The following PLCXD3 variants were observed in gnomAD, a reference collection of about 807,000 sequenced individuals.
PLCXD3 encodes PI-PLC X domain-containing protein 3.
PLCXD3 carries 19 observed loss-of-function variants against 25.5 expected under a neutral mutation model. That is an observed-to-expected ratio of 0.75 (90% CI 0.52 to 1.09). PLCXD3 has a LOEUF of 1.09. Ranked by LOEUF, PLCXD3 falls within the 50% of genes least tolerant of loss-of-function variation. PLCXD3 has a pLI of 0.00. For synonymous variants in PLCXD3, 174 were observed against 137.6 expected (o/e 1.26, Z -1.85); for missense variants, 411 against 388.1 (o/e 1.06, Z -0.50).
At chr5:41,381,673 T>C (rs1309228427) in intron 2 of PLCXD3, among the ~76,000 whole-genome samples, 153 bp downstream of exon 2, 1 of 152,120 alleles carries the variant, frequency 6.6e-6, no homozygotes, top group Non-Finnish European at 1.5e-5. Flanking sequence ...AATATATTTT[T>C]ATTCTTTTAA....
At chr5:41,346,160 C>T (rs1377132252) in intron 2 of PLCXD3, among the ~76,000 whole-genome samples, 3 of 152,188 alleles carry the variant, frequency 2.0e-5, no homozygotes, top group South Asian at 2.1e-4. Context: ...GGATTACAGG[C>T]GTGAGCCACC....
intron 2 of PLCXD3, among the ~76,000 whole-genome samples, chr5:41,324,576 A>G (rs1032672779): frequency 1.3e-5 from 2 of 152,210 alleles, no homozygotes; most frequent in African/African-American, 4.8e-5. Context: ...TTCTATCTTA[A>G]AATGGACAAT....
rs148563139 is a variant in PLCXD3 at position 41,341,234 on chromosome 5, A to G, written c.813-27464T>C. Among the ~76,000 whole-genome samples the G allele has an allele frequency of 6.0e-3, 917 of 152,268 alleles. 8 individuals carry two copies. The highest frequency in any genetic ancestry group is 8.9e-3 in the Admixed American group (136 of 15,268). On this transcript the variant is annotated intron_variant, in intron 2 of 2. Transcript: ENST00000377801. ...CACTAATGGAGTATGTATGGAAGAG[A>G]GCACCATCAATATCGCATGTCTACA...
intron 1 of PLCXD3, among the ~76,000 whole-genome samples, chr5:41,464,674 G>A (rs1427700316): frequency 2.0e-5 from 3 of 151,994 alleles, no homozygotes; most frequent in Non-Finnish European, 4.4e-5. Flanking sequence ...ACTCAGTAGA[G>A]GTGTTTCTAA....
intron 1 of PLCXD3, among the ~76,000 whole-genome samples, chr5:41,397,723 G>A (rs145984684): frequency 2.8e-4 from 42 of 152,308 alleles, no homozygotes; most frequent in African/African-American, 9.4e-4. Context: ...AAGCAGCCAT[G>A]GGGGCTGTAC....
intron 2 of PLCXD3, among the ~76,000 whole-genome samples, chr5:41,352,219 C>T (rs1744482925): frequency 6.6e-6 from 1 of 152,156 alleles, no homozygotes; most frequent in African/African-American, 2.4e-5. Context: ...CCGGCCCTCC[C>T]CCATATGAGT....
intron 2 of PLCXD3, among the ~76,000 whole-genome samples, chr5:41,380,878 C>T (rs1037514324): frequency 3.3e-5 from 5 of 152,074 alleles, no homozygotes; most frequent in African/African-American, 1.2e-4. Context: ...GTGTCACACT[C>T]GCAGGAAAAA....
At chr5:41,401,480 A>C (rs1042636544) in intron 1 of PLCXD3, among the ~76,000 whole-genome samples, 2 of 152,038 alleles carry the variant, frequency 1.3e-5, no homozygotes, top group Non-Finnish European at 2.9e-5. Context: ...TTACCTTGGC[A>C]TATTTGCTGA....
At position 41,465,353 on chromosome 5, in the gene PLCXD3, C is replaced by CTTTTTTTTTTTTTTTTTTTT. The variant is rs58098437; in HGVS notation, c.103+45051_103+45070dup. 6.1e-3 allele frequency among the ~76,000 whole-genome samples: 81 copies of CTTTTTTTTTTTTTTTTTTTT among 13,234 alleles called. 8 individuals carry two copies. The highest frequency in any genetic ancestry group is 0.011 in the East Asian group (4 of 372). The allele number at this position is 13,234 out of a possible 152,430, so 8.7% of individuals were successfully genotyped here. A position where few individuals can be genotyped will look rare whatever the true frequency, so the allele number is the denominator to read the frequency against. On this transcript the variant is annotated intron_variant, in intron 1 of 2. Transcript: ENST00000377801. ...TCCTACTTTCCCCACTAGTTCTTGT[C>CTTTTTTTTTTTTTTTTTTTT]TTTTTTTTTTTTTTTTTTTTTTTTT...
chr5:41,342,062 T>C (rs1368550400), intron 2 of PLCXD3, among the ~76,000 whole-genome samples: 1 of 152,214 alleles, frequency 6.6e-6, no homozygotes, highest in East Asian at 1.9e-4. Flanking sequence ...GGGATAAATA[T>C]GGGTAACTGG....
At chr5:41,365,284 G>T (rs1215438842) in intron 2 of PLCXD3, among the ~76,000 whole-genome samples, 1 of 152,158 alleles carries the variant, frequency 6.6e-6, no homozygotes, top group Admixed American at 6.5e-5. Context: ...ACGTGCACCT[G>T]ATATATGGGC....
intron 1 of PLCXD3, among the ~76,000 whole-genome samples, chr5:41,489,361 T>C (rs1159246892): frequency 2.6e-5 from 4 of 152,054 alleles, no homozygotes; most frequent in African/African-American, 4.8e-5. Context: ...AGTCAGGTAG[T>C]GTGATGCCTC....
intron 1 of PLCXD3, among the ~76,000 whole-genome samples, chr5:41,481,168 G>GCT (rs1748406940): frequency 6.8e-6 from 1 of 146,418 alleles, no homozygotes; most frequent in South Asian, 2.1e-4. Flanking sequence ...AAATCCAACA[G>GCT]CTCTCTCTCT....
rs1003121483 is a variant in PLCXD3 at position 41,313,432 on chromosome 5, A to G, written c.*185T>C. On this transcript the variant is annotated 3_prime_UTR_variant, in exon 3 of 3. Coordinates refer to ENST00000377801, the MANE Select transcript of PLCXD3 (RefSeq NM_001005473.3). Reference sequence around the variant, plus strand: ...TTGCTCATCAAATGGGAAATGAAATATTTATAGTAATGAAGAGTATGATTG... The same window carrying G: ...TTGCTCATCAAATGGGAAATGAAATGTTTATAGTAATGAAGAGTATGATTG... 7 of 527,808 alleles carry G rather than the reference A, an allele frequency of 1.3e-5. No individual in the cohort carries two copies. Among genetic ancestry groups the G allele is most frequent in the Non-Finnish European group, 2.2e-5 (7 of 316,780 alleles). The allele number at this position is 527,808 out of a possible 1,614,324, so 32.7% of individuals were successfully genotyped here. A position where few individuals can be genotyped will look rare whatever the true frequency, so the allele number is the denominator to read the frequency against.
At chr5:41,372,965 AC>A (rs1429197021) in intron 2 of PLCXD3, among the ~76,000 whole-genome samples, 1 of 152,084 alleles carries the variant, frequency 6.6e-6, no homozygotes, top group Non-Finnish European at 1.5e-5. Flanking sequence ...AATCAATTGA[AC>A]CTGGGAGGCG....
intron 1 of PLCXD3, among the ~76,000 whole-genome samples, chr5:41,468,359 G>GT (rs1261045155): frequency 1.3e-5 from 2 of 152,022 alleles, no homozygotes; most frequent in African/African-American, 4.8e-5. Flanking sequence ...GGCTATATGG[G>GT]TTTTTTTGTG....
intron 1 of PLCXD3, among the ~76,000 whole-genome samples, chr5:41,393,489 A>T (rs540843362): frequency 6.6e-6 from 1 of 152,242 alleles, no homozygotes; most frequent in African/African-American, 2.4e-5. Context: ...AACATGAAGC[A>T]GAAATGGAGA....
chr5:41,504,797 A>G (rs1362382800), intron 1 of PLCXD3, among the ~76,000 whole-genome samples: 2 of 152,200 alleles, frequency 1.3e-5, no homozygotes, highest in East Asian at 1.9e-4. Flanking sequence ...TAGTTTATCA[A>G]TCCAGCCCAA....
At chr5:41,468,062 G>A (rs972272260) in intron 1 of PLCXD3, among the ~76,000 whole-genome samples, 1 of 121,120 alleles carries the variant, frequency 8.3e-6, no homozygotes, top group Non-Finnish European at 1.6e-5. Context: ...TTGTCACCCA[G>A]GCTGGAGTGC....
Sources: allele counts gnomAD v4.1 joint callset (sites outside exome capture counted in the v4.1 genomes callset), GRCh38; gene constraint gnomAD v4.1.1; transcripts MANE v1.5; gene names NCBI Gene and HGNC (gene_info 2026-07-23, HGNC 2026-07-21).